The following PNPT1 variants were observed in gnomAD, a reference collection of about 807,000 sequenced individuals.
PNPT1 encodes polyribonucleotide nucleotidyltransferase 1, mitochondrial.
PNPT1 carries 53 observed loss-of-function variants against 119.5 expected under a neutral mutation model. The observed-to-expected ratio is 0.44, with a 90% CI of 0.36 to 0.56. PNPT1 has a LOEUF of 0.56. Among genes scored for constraint, PNPT1 ranks in the 20% least tolerant of loss-of-function variants. The pLI is 0.00. For synonymous variants in PNPT1, 357 were observed against 322.1 expected, an observed-to-expected ratio of 1.11 and a Z score of -1.16; for missense variants, 948 against 938.5, an observed-to-expected ratio of 1.01 and a Z score of -0.13.
At chr2:55,664,990 T>C (rs1426433203) in intron 13 of PNPT1, among the ~76,000 whole-genome samples, 1 of 152,156 alleles carries the variant, frequency 6.6e-6, no homozygotes, top group East Asian at 1.9e-4. Context: ...GGAACAAATG[T>C]ATCTAAATTT....
chr2:55,681,922 A>C (rs1246139933), intron 5 of PNPT1, among the ~76,000 whole-genome samples: 1 of 151,432 alleles, frequency 6.6e-6, no homozygotes, highest in Non-Finnish European at 1.5e-5. Flanking sequence ...CGGGCAGATC[A>C]CGGGGTCAGG....
chr2:55,667,163 C>G, intron 12 of PNPT1, 70 bp from the exon 13 acceptor site: 1 of 1,194,526 alleles, frequency 8.4e-7, no homozygotes, highest in Non-Finnish European at 1.2e-6. Context: ...CTTTATCTCT[C>G]CCAGGAAGTT....
chr2:55,652,492 T>C (rs538254612), intron 18 of PNPT1, among the ~76,000 whole-genome samples: 10 of 152,320 alleles, frequency 6.6e-5, no homozygotes, highest in African/African-American at 2.4e-4. Flanking sequence ...TTGGCAGTAT[T>C]TTTACTGGCA....
At chr2:55,639,707 T>A (rs191264564) in intron 26 of PNPT1, among the ~76,000 whole-genome samples, 22 of 152,348 alleles carry the variant, frequency 1.4e-4, no homozygotes, top group African/African-American at 5.0e-4. Flanking sequence ...TCTCTTAACC[T>A]TATTGAAATT....
intron 18 of PNPT1, among the ~76,000 whole-genome samples, chr2:55,652,992 C>T (rs758700458): frequency 2.2e-4 from 34 of 152,104 alleles, no homozygotes; most frequent in African/African-American, 1.7e-4. Context: ...GGATTACAGG[C>T]GTGGGCCACC....
At chr2:55,649,627 A>C (rs1464428627) in intron 18 of PNPT1, among the ~76,000 whole-genome samples, 1 of 152,124 alleles carries the variant, frequency 6.6e-6, no homozygotes, top group African/African-American at 2.4e-5. Flanking sequence ...TTCATCACTT[A>C]AGCTGGGAAA....
At position 55,645,396 on chromosome 2, in the gene PNPT1, G is replaced by C; in HGVS notation, c.1775C>G (p.Thr592Ser). The change falls in exon 22 of 28, where the codon ACT becomes AGT. Residue 592 changes from threonine (T) to serine (S), a missense_variant. Coordinates refer to ENST00000447944, the MANE Select transcript of PNPT1 (RefSeq NM_033109.5). ...TCTAGATGCTCGAGGTTTTGAAATA[G>C]TTTTGTTCATGATCTGTAATATCTC... ...KKEILQIMNK[T>S]ISKPRASRKE... The C allele has an allele frequency of 6.2e-7, 1 of 1,612,326 alleles. No homozygotes were observed. The highest frequency in any genetic ancestry group is 2.2e-5 in the East Asian group (1 of 44,868).
At chr2:55,666,530 T>C (rs566213361) in intron 13 of PNPT1, among the ~76,000 whole-genome samples, 2 of 152,244 alleles carry the variant, frequency 1.3e-5, no homozygotes, top group African/African-American at 4.8e-5. Context: ...TCAAAAAAAC[T>C]GTTAAAATTA....
At chr2:55,683,665 A>T in intron 5 of PNPT1, 120 bp downstream of exon 5, 2 of 886,080 alleles carry the variant, frequency 2.3e-6, no homozygotes, top group Non-Finnish European at 3.4e-6. Flanking sequence ...AATGTAAAAT[A>T]TAACAGTATC....
intron 1 of PNPT1, among the ~76,000 whole-genome samples, chr2:55,690,881 C>G (rs1179992561): frequency 6.6e-6 from 1 of 152,098 alleles, no homozygotes; most frequent in African/African-American, 2.4e-5. Flanking sequence ...TACTCAAAAC[C>G]AGTCACACTG....
At chr2:55,651,747 T>C (rs1210105510) in intron 18 of PNPT1, among the ~76,000 whole-genome samples, 30 of 139,784 alleles carry the variant, frequency 2.1e-4, no homozygotes, top group African/African-American at 7.0e-4. Context: ...TCCCCCTCTG[T>C]GAGAAACACC....
At chr2:55,669,036 G>A (rs1191980845) in intron 11 of PNPT1, among the ~76,000 whole-genome samples, 1 of 152,176 alleles carries the variant, frequency 6.6e-6, no homozygotes, top group African/African-American at 2.4e-5. Context: ...ATGCTTTCAT[G>A]AGCCAGGCAC....
intron 1 of PNPT1, 79 bp downstream of exon 1, chr2:55,693,584 T>C: frequency 6.4e-7 from 1 of 1,567,888 alleles, no homozygotes; most frequent in South Asian, 1.2e-5. Flanking sequence ...ACCGGGTTTC[T>C]ACCCTGGGAG....
At chr2:55,640,106 C>T (rs2104018460) in intron 26 of PNPT1, among the ~76,000 whole-genome samples, 1 of 152,086 alleles carries the variant, frequency 6.6e-6, no homozygotes, top group African/African-American at 2.4e-5. Flanking sequence ...CGGTAATATA[C>T]TATTTTATTG....
chr2:55,658,925 T>A (rs538564144), intron 15 of PNPT1, among the ~76,000 whole-genome samples: 3 of 152,228 alleles, frequency 2.0e-5, no homozygotes, highest in African/African-American at 7.2e-5. Context: ...AATGACTTGC[T>A]ACTTTACATA....
intron 26 of PNPT1, among the ~76,000 whole-genome samples, chr2:55,639,636 T>C (rs1288673496): frequency 9.9e-5 from 15 of 152,234 alleles, no homozygotes; most frequent in Non-Finnish European, 2.9e-5. Flanking sequence ...TACGGATTTA[T>C]AAAAGCCCTT....
At position 55,662,028 on chromosome 2, in the gene PNPT1, T is replaced by A; in HGVS notation, c.1177-2A>T. ...ATCAAATGTAACGGTACAAAGCACCTAAAAAAGAAAAAGAATTCCTCAGGC... is the reference window on the plus strand; with the variant it reads ...ATCAAATGTAACGGTACAAAGCACCAAAAAAAGAAAAAGAATTCCTCAGGC... On this transcript the variant is annotated splice_acceptor_variant, in intron 13 of 27. Transcript: ENST00000447944. LOFTEE classifies it high-confidence loss of function. The A allele has an allele frequency of 6.4e-7, 1 of 1,559,284 alleles. No homozygotes were observed. The highest frequency in any genetic ancestry group is 2.3e-5 in the East Asian group (1 of 43,310).
At chr2:55,665,872 G>C (rs1484459382) in intron 13 of PNPT1, among the ~76,000 whole-genome samples, 3 of 152,186 alleles carry the variant, frequency 2.0e-5, no homozygotes, top group African/African-American at 7.2e-5. Context: ...ACAGAACAAT[G>C]AATACAGATG....
chr2:55,649,876 G>A (rs1372854653), intron 18 of PNPT1, among the ~76,000 whole-genome samples: 2 of 152,102 alleles, frequency 1.3e-5, no homozygotes, highest in African/African-American at 4.8e-5. Flanking sequence ...CTTTAGAACA[G>A]AATAAACTTT....
Sources: gnomAD v4.1 joint callset for allele counts (sites outside exome capture counted in the v4.1 genomes callset) on GRCh38, gnomAD v4.1.1 for gene constraint, MANE v1.5 for transcripts, NCBI Gene and HGNC (gene_info 2026-07-23, HGNC 2026-07-21) for gene names.